ENAH: variants seen among roughly 807,000 people sequenced by gnomAD.
The protein encoded by ENAH is ENAH actin regulator, also known as protein enabled homolog.
Under a neutral mutation model 78.7 loss-of-function variants are expected in ENAH, and 23 were observed. That is an observed-to-expected ratio of 0.29 (90% confidence interval 0.21 to 0.41). The LOEUF (loss-of-function observed/expected upper bound fraction) is 0.41, where lower values mean the gene tolerates loss of function less well. Ranked by LOEUF, ENAH falls within the 10% of genes least tolerant of loss-of-function variation. The probability of loss-of-function intolerance (pLI) is 1.00; values close to 1 mark genes in which losing one functional copy is unlikely to be tolerated. For synonymous variants in ENAH, 226 were observed against 241.0 expected, an observed-to-expected ratio of 0.94 and a Z score of 0.58; for missense variants, 544 against 691.0, an observed-to-expected ratio of 0.79 and a Z score of 2.39.
chr1:225,520,398 G>C (rs1300328594), intron 4 of ENAH, among the ~76,000 whole-genome samples: 1 of 151,942 alleles, frequency 6.6e-6, no homozygotes, highest in Non-Finnish European at 1.5e-5. Context: ...ATCAACATAT[G>C]TATATAAAGA....
At chr1:225,570,170 C>CAAAAA (rs397937817) in intron 1 of ENAH, among the ~76,000 whole-genome samples, 28 of 121,320 alleles carry the variant, frequency 2.3e-4, no homozygotes, top group African/African-American at 8.5e-4. Context: ...TGCTCCATCT[C>CAAAAA]AAAAAAAAAA....
chr1:225,562,737 T>TA (rs2096714583), intron 2 of ENAH, among the ~76,000 whole-genome samples: 3 of 152,044 alleles, frequency 2.0e-5, no homozygotes, highest in Non-Finnish European at 2.9e-5. Context: ...TAACAGCTCT[T>TA]ACTATAGAAA....
At chr1:225,593,633 C>G (rs1451938372) in intron 1 of ENAH, among the ~76,000 whole-genome samples, 1 of 152,148 alleles carries the variant, frequency 6.6e-6, no homozygotes, top group African/African-American at 2.4e-5. Flanking sequence ...GTTTTGTTCA[C>G]ACACTTTGGC....
intron 1 of ENAH, among the ~76,000 whole-genome samples, chr1:225,579,656 T>C (rs2151599847): frequency 1.3e-5 from 2 of 152,356 alleles, no homozygotes; most frequent in Middle Eastern, 3.4e-3. Context: ...TCCATTATTT[T>C]ATTTAAACTA....
At position 225,492,042 on chromosome 1, in the gene ENAH, G is replaced by A. The variant is rs1006435707; in HGVS notation, c.*5733C>T. On this transcript the variant is annotated 3_prime_UTR_variant, in exon 14 of 14. Coordinates refer to ENST00000366843, the MANE Select transcript of ENAH (RefSeq NM_018212.6). The stretch of plus-strand genomic sequence containing the variant: ...CTGGGCTCTCTAATGAAATATGTAA[G>A]CTTTTCTAATAATTTCTATGAAAAG... The A allele has an allele frequency of 3.3e-5, 5 of 151,396 alleles. No homozygotes were observed. Among genetic ancestry groups the A allele is most frequent in the African/African-American group, 4.8e-5 (2 of 41,292 alleles). The allele number at this position is 151,396 out of a possible 1,614,324, so 9.4% of individuals were successfully genotyped here. A position where few individuals can be genotyped will look rare whatever the true frequency, so the allele number is the denominator to read the frequency against.
rs2096789438 is a variant in ENAH, at chr1:225,576,611, C to T, written c.6-9197G>A. On this transcript the variant is annotated intron_variant, in intron 1 of 13. Coordinates refer to ENST00000366843, the MANE Select transcript of ENAH (RefSeq NM_018212.6). Reference sequence around the variant, plus strand: ...ACAATATAGAGTTCTCATCACCAGACTAACACTAAAGAAAAAGCTTTACAG... The same window carrying T: ...ACAATATAGAGTTCTCATCACCAGATTAACACTAAAGAAAAAGCTTTACAG... Among the ~76,000 whole-genome samples, 5 of 152,090 alleles carry T rather than the reference C, an allele frequency of 3.3e-5. No individual in the cohort carries two copies. The South Asian group carries it at 1.0e-3, about 32-fold the overall frequency.
At chr1:225,623,587 GTTT>G (rs10600222) in intron 1 of ENAH, among the ~76,000 whole-genome samples, 45 of 137,566 alleles carry the variant, frequency 3.3e-4, no homozygotes, top group South Asian at 1.2e-3. Flanking sequence ...TTTTTGTTGG[GTTT>G]TTTTTTTTTT....
chr1:225,522,027 C>T (rs1200210549), intron 4 of ENAH, among the ~76,000 whole-genome samples: 1 of 152,118 alleles, frequency 6.6e-6, no homozygotes, highest in Non-Finnish European at 1.5e-5. Context: ...GATCTCCTGA[C>T]CTCATGATCC....
rs762434272 is a variant in ENAH at position 225,530,638 on chromosome 1, C to A, written c.350G>T (p.Gly117Val). Residue 117 changes from glycine (G) to valine (V), a missense_variant and splice_region_variant, in exon 4 of 14, where the codon GGG (glycine) becomes GTG (valine). Gly to Val is a moderately radical substitution (Grantham distance 109). Transcript: ENST00000366843. ...ALEVLNSQET[G>V]PTLPRQNSQL... Reference sequence around the variant, plus strand: ...TGAGTTTTGTCTAGGCAATGTTGGCCCTACAGAGGGAGAAAACATTACAGA... The same window carrying A: ...TGAGTTTTGTCTAGGCAATGTTGGCACTACAGAGGGAGAAAACATTACAGA... 6.2e-7 allele frequency: 1 copy of A among 1,610,124 alleles called. No individual in the cohort carries two copies. Among genetic ancestry groups the A allele is most frequent in the Non-Finnish European group, 8.5e-7 (1 of 1,176,752 alleles).
intron 1 of ENAH, among the ~76,000 whole-genome samples, chr1:225,610,962 G>A (rs552424553): frequency 1.5e-4 from 23 of 152,194 alleles, no homozygotes; most frequent in African/African-American, 4.6e-4. Context: ...CAGATCTAAC[G>A]TTAGGCCGAA....
chr1:225,552,461 T>A (rs2151410430), intron 3 of ENAH, among the ~76,000 whole-genome samples: 2 of 152,236 alleles, frequency 1.3e-5, no homozygotes, highest in East Asian at 3.9e-4. Context: ...TCTTACTCTC[T>A]CCCATGCTTC....
intron 1 of ENAH, among the ~76,000 whole-genome samples, chr1:225,606,344 C>G (rs1480324686): frequency 1.3e-5 from 2 of 151,872 alleles, no homozygotes; most frequent in Non-Finnish European, 2.9e-5. Flanking sequence ...CACCTGTAAT[C>G]CCAGCTACTC....
At chr1:225,517,439 G>C in intron 5 of ENAH, 133 bp from the exon 6 acceptor site, 1 of 1,551,722 alleles carries the variant, frequency 6.4e-7, no homozygotes, top group Non-Finnish European at 8.7e-7. Context: ...GGCGGCGGAG[G>C]AGCTGCTGGC....
intron 2 of ENAH, among the ~76,000 whole-genome samples, chr1:225,566,762 G>A (rs765778526): frequency 5.3e-5 from 8 of 152,208 alleles, no homozygotes; most frequent in South Asian, 2.1e-4. Context: ...CTTAGCTGTC[G>A]CCCCAGACAT....
intron 2 of ENAH, among the ~76,000 whole-genome samples, chr1:225,562,150 T>G (rs2096709337): frequency 6.6e-6 from 1 of 152,054 alleles, no homozygotes; most frequent in African/African-American, 2.4e-5. Flanking sequence ...CTCAAACTCC[T>G]GAGCTTGTGA....
At chr1:225,602,480 T>C (rs2096935823) in intron 1 of ENAH, among the ~76,000 whole-genome samples, 1 of 152,224 alleles carries the variant, frequency 6.6e-6, no homozygotes, top group South Asian at 2.1e-4. Context: ...TGTTGTTAAT[T>C]ATTAAAGGCT....
chr1:225,538,242 T>C (rs182631568), intron 3 of ENAH, among the ~76,000 whole-genome samples: 69 of 152,072 alleles, frequency 4.5e-4, no homozygotes, highest in African/African-American at 1.5e-3. Context: ...TGAGACAGAA[T>C]GAAAGCAAAT....
rs1409334032 is a variant in ENAH, at chr1:225,496,796, C to T, written c.*979G>A. 6.6e-6 allele frequency: 1 copy of T among 152,504 alleles called. No homozygotes were observed. Among genetic ancestry groups the T allele is most frequent in the Middle Eastern group, 3.2e-3 (1 of 314 alleles). 9.4% of individuals were successfully genotyped at this position (152,504 alleles called of 1,614,324 possible). Reference sequence around the variant, plus strand: ...ATCAACTTTAAATAAAAAATTATTCCTCCCCTTCCTCCCACTCCCCTATAC... The same window carrying T: ...ATCAACTTTAAATAAAAAATTATTCTTCCCCTTCCTCCCACTCCCCTATAC... On this transcript the variant is annotated 3_prime_UTR_variant, in exon 14 of 14. Transcript: ENST00000366843.
chr1:225,490,171 TGA>T lies in ENAH; in HGVS notation c.*7602_*7603del, dbSNP rs1242310223. 2.0e-5 allele frequency: 3 copies of T among 152,052 alleles called. No homozygotes were observed. Among genetic ancestry groups the T allele is most frequent in the Non-Finnish European group, 4.4e-5 (3 of 68,062 alleles). 9.4% of individuals were successfully genotyped at this position (152,052 alleles called of 1,614,324 possible). A position where few individuals can be genotyped will look rare whatever the true frequency, so the allele number is the denominator to read the frequency against. ...ACTCCACACACAAAAAAGGACAGAC[TGA>T]GAGAGACTGAGGGCGGGAGGAACAC... On this transcript the variant is annotated 3_prime_UTR_variant, in exon 14 of 14. Transcript: ENST00000366843.
Sources: gnomAD v4.1 joint callset for allele counts (sites outside exome capture counted in the v4.1 genomes callset) on GRCh38, gnomAD v4.1.1 for gene constraint, MANE v1.5 for transcripts, NCBI Gene and HGNC (gene_info 2026-07-23, HGNC 2026-07-21) for gene names.